The following TXNDC15 variants were observed in gnomAD, a reference collection of about 807,000 sequenced individuals.
The protein encoded by TXNDC15 is thioredoxin domain-containing protein 15.
TXNDC15 carries 24 observed loss-of-function variants against 35.0 expected under a neutral mutation model. The observed-to-expected ratio is 0.68, with a 90% CI of 0.50 to 0.96. The LOEUF (loss-of-function observed/expected upper bound fraction) is 0.96, where lower values mean the gene tolerates loss of function less well. TXNDC15 is among the 40% of genes least tolerant of loss of function. TXNDC15 has a pLI of 0.00. For missense variants in TXNDC15, 385 were observed against 453.3 expected (o/e 0.85, Z 1.37); for synonymous variants, 169 against 174.0 (o/e 0.97, Z 0.23).
At chr5:134,884,198 C>T (rs186832639) in intron 1 of TXNDC15, among the ~76,000 whole-genome samples, 6 of 131,782 alleles carry the variant, frequency 4.6e-5, no homozygotes, top group East Asian at 2.2e-4. Flanking sequence ...CCAACCTGGA[C>T]GATAGAGCAA....
rs139088311 is a variant in TXNDC15 at position 134,896,316 on chromosome 5, G to A, written c.778G>A (p.Val260Ile). ...HSSLSTRFGTVAVPNILLFQG... is the reference protein window; with the variant it reads ...HSSLSTRFGTIAVPNILLFQG... ...TAGCCTTTCTACCAGGTTTGGCACC[G>A]TAGCTGTTCCTAATATTTTATTATT... Residue 260 changes from valine to isoleucine, a missense_variant, in exon 4 of 5, where the codon GTA becomes ATA. Transcript: ENST00000358387. The A allele has an allele frequency of 1.4e-5, 22 of 1,613,428 alleles. No individual in the cohort carries two copies. The highest frequency in any genetic ancestry group is 1.6e-4 in the Middle Eastern group (1 of 6,070).
intron 4 of TXNDC15, 84 bp downstream of exon 4, chr5:134,896,508 C>T: frequency 6.5e-7 from 1 of 1,543,222 alleles, no homozygotes; most frequent in South Asian, 1.2e-5. Context: ...TGCTATAATC[C>T]TTAAGTGAAG....
chr5:134,894,008 G>A (rs777986600), intron 3 of TXNDC15, among the ~76,000 whole-genome samples: 1 of 152,108 alleles, frequency 6.6e-6, no homozygotes, highest in Non-Finnish European at 1.5e-5. Context: ...ACTTTAAGGC[G>A]CAGGTTAAAT....
At chr5:134,882,826 C>T (rs1186723211) in intron 1 of TXNDC15, among the ~76,000 whole-genome samples, 6 of 151,668 alleles carry the variant, frequency 4.0e-5, no homozygotes, top group South Asian at 2.1e-4. Context: ...AGAGGGAGAC[C>T]GTGGAAAGAG....
chr5:134,899,162 C>T (rs1750551714), intron 4 of TXNDC15, among the ~76,000 whole-genome samples: 1 of 152,038 alleles, frequency 6.6e-6, no homozygotes. Flanking sequence ...TTACTAGTTA[C>T]TTACTGAACT....
At chr5:134,883,193 A>G (rs756657955) in intron 1 of TXNDC15, among the ~76,000 whole-genome samples, 6 of 151,324 alleles carry the variant, frequency 4.0e-5, no homozygotes, top group Admixed American at 6.6e-5. Context: ...TTGGGAGGCC[A>G]AGGTGGGTGG....
intron 1 of TXNDC15, among the ~76,000 whole-genome samples, chr5:134,882,649 C>T (rs1052536258): frequency 6.6e-6 from 1 of 152,216 alleles, no homozygotes; most frequent in Non-Finnish European, 1.5e-5. Flanking sequence ...ACCAGCCCGG[C>T]CAACACAGCG....
rs1450100653 is a variant in TXNDC15 at position 134,879,482 on chromosome 5, GC to G, written c.103+4954del. On this transcript the variant is annotated intron_variant, in intron 1 of 4. Coordinates refer to ENST00000358387, the MANE Select transcript of TXNDC15 (RefSeq NM_024715.4). Reference sequence around the variant, plus strand: ...GCATCCTTTCTTTTCCAGACTCTTAGCCTCTCTGGCTTCATTTCCTGCTTTG... The same window carrying G: ...GCATCCTTTCTTTTCCAGACTCTTAGCTCTCTGGCTTCATTTCCTGCTTTG... Among the ~76,000 whole-genome samples, 11 of 152,270 alleles carry G rather than the reference GC, an allele frequency of 7.2e-5. No homozygotes were observed. In the East Asian group the frequency reaches 1.9e-3, roughly 27 times the overall value.
In TXNDC15 at chr5:134,874,396, A is replaced by G. The variant is rs1218070805; in HGVS notation, c.-32A>G. ...CTCCGGCTGGCAGCACGACTCGCGTAGCCGTGCGCCGATTGCCTCTCGGCC... is the reference window on the plus strand; with the variant it reads ...CTCCGGCTGGCAGCACGACTCGCGTGGCCGTGCGCCGATTGCCTCTCGGCC... On this transcript the variant is annotated 5_prime_UTR_variant, in exon 1 of 5. Coordinates refer to ENST00000358387, the MANE Select transcript of TXNDC15 (RefSeq NM_024715.4). 2 of 1,552,096 alleles carry G rather than the reference A, an allele frequency of 1.3e-6. No individual in the cohort carries two copies. Among genetic ancestry groups the G allele is most frequent in the African/African-American group, 2.8e-5 (2 of 70,664 alleles).
At chr5:134,893,385 C>G in intron 2 of TXNDC15, 107 bp from the exon 3 acceptor site, 1 of 1,368,958 alleles carries the variant, frequency 7.3e-7, no homozygotes, top group East Asian at 2.3e-5. Context: ...GCTGCTCCTA[C>G]CCACCCGTTC....
chr5:134,899,091 G>A (rs1382937703), intron 4 of TXNDC15, among the ~76,000 whole-genome samples: 2 of 151,154 alleles, frequency 1.3e-5, no homozygotes, highest in Admixed American at 1.3e-4. Flanking sequence ...AAAAAAAAAA[G>A]CATTTCGAAT....
intron 2 of TXNDC15, among the ~76,000 whole-genome samples, chr5:134,891,485 G>T (rs192636500): frequency 6.6e-6 from 1 of 152,250 alleles, no homozygotes; most frequent in Admixed American, 6.5e-5. Flanking sequence ...TGAGCAGTAG[G>T]TCTCAACAGT....
In TXNDC15 at chr5:134,896,286, T is replaced by C. The variant is rs369960351; in HGVS notation, c.756-8T>C. 1.2e-6 allele frequency: 2 copies of C among 1,606,020 alleles called. No homozygotes were observed. The highest frequency in any genetic ancestry group is 1.7e-6 in the Non-Finnish European group (2 of 1,178,196). On this transcript the variant is annotated splice_polypyrimidine_tract_variant and splice_region_variant and intron_variant, in intron 3 of 4. Transcript: ENST00000358387. ...AAATTCAGGTTTTTTGACTTCTTTC[T>C]CTTGTAGCCTTTCTACCAGGTTTGG...
Position 134,896,227 on chromosome 5 carries a change from T to C in TXNDC15, c.756-67T>C. On this transcript the variant is annotated intron_variant, in intron 3 of 4. Coordinates refer to ENST00000358387, the MANE Select transcript of TXNDC15 (RefSeq NM_024715.4). ...TCATTTATTTCTGTCTATTCTGAGA[T>C]GGTAATTGTATGAGAAAGCCCTCTA... 8 of 1,535,198 alleles carry C rather than the reference T, an allele frequency of 5.2e-6. 1 individual carries two copies. The highest frequency in any genetic ancestry group is 2.4e-5 in the South Asian group (2 of 82,574).
In TXNDC15 at chr5:134,887,937, G is replaced by A. The variant is rs745553982; in HGVS notation, c.346G>A (p.Ala116Thr). Residue 116 changes from alanine to threonine, a missense_variant, in exon 2 of 5, where the codon GCT (alanine) becomes ACT (threonine). Physicochemically the swap from Ala to Thr is moderately conservative, Grantham distance 58 (BLOSUM62 0). Coordinates refer to ENST00000358387, the MANE Select transcript of TXNDC15 (RefSeq NM_024715.4). ...SSEPSGVTCG[A>T]GGAEDSRCNV... ...AGAGCCTAGCGGCGTCACCTGTGGT[G>A]CTGGAGGAGCGGAGGACTCAAGGTG... 1.9e-6 allele frequency: 3 copies of A among 1,614,238 alleles called. No homozygotes were observed. The highest frequency in any genetic ancestry group is 1.3e-5 in the African/African-American group (1 of 75,066).
intron 2 of TXNDC15, chr5:134,892,218 A>C (rs1312296501): frequency 6.6e-6 from 1 of 151,774 alleles, no homozygotes; most frequent in Non-Finnish European, 1.5e-5. Context: ...CTTCTCTATC[A>C]GCACTTGCTG....
At chr5:134,888,279 C>A (rs1750318775) in intron 2 of TXNDC15, 97 bp downstream of exon 2, 1 of 1,261,538 alleles carries the variant, frequency 7.9e-7, no homozygotes, top group Non-Finnish European at 1.1e-6. Context: ...TGATCTTGAT[C>A]ATATTGTAAG....
At chr5:134,894,101 TTCTTTTCCCTTTCCC>T (rs1750441953) in intron 3 of TXNDC15, among the ~76,000 whole-genome samples, 1 of 152,156 alleles carries the variant, frequency 6.6e-6, no homozygotes, top group South Asian at 2.1e-4. Flanking sequence ...TTTTCTTTCC[TTCTTTTCCCTTTCCC>T]TCTTTCCTTC....
chr5:134,885,531 C>T (rs930096768), intron 1 of TXNDC15, among the ~76,000 whole-genome samples: 5 of 152,170 alleles, frequency 3.3e-5, no homozygotes, highest in South Asian at 4.1e-4. Flanking sequence ...TGTGATGACC[C>T]GTACCCTGCT....
Sources: allele counts gnomAD v4.1 joint callset (sites outside exome capture counted in the v4.1 genomes callset), GRCh38; gene constraint gnomAD v4.1.1; transcripts MANE v1.5; gene names NCBI Gene and HGNC (gene_info 2026-07-23, HGNC 2026-07-21).